KCNH5: variants seen among roughly 807,000 people sequenced by gnomAD.
The protein encoded by KCNH5 is voltage-gated delayed rectifier potassium channel KCNH5.
Under a neutral mutation model 96.1 loss-of-function variants are expected in KCNH5, and 46 were observed. The ratio of observed to expected loss-of-function variants is 0.48; its 90% CI spans 0.38 to 0.61. KCNH5 has a LOEUF of 0.61. KCNH5 is among the 20% of genes least tolerant of loss of function. KCNH5 has a pLI of 0.00. For synonymous variants in KCNH5, 439 were observed against 449.8 expected, an observed-to-expected ratio of 0.98 and a Z score of 0.30; for missense variants, 907 against 1,225.8, an observed-to-expected ratio of 0.74 and a Z score of 3.88.
chr14:62,931,468 T>C (rs1479001398), intron 7 of KCNH5, among the ~76,000 whole-genome samples: 2 of 151,986 alleles, frequency 1.3e-5, no homozygotes, highest in Non-Finnish European at 1.5e-5. Flanking sequence ...AAAATAACAG[T>C]AAATGGATTG....
chr14:62,747,747 G>C (rs1885409351), intron 10 of KCNH5, among the ~76,000 whole-genome samples: 1 of 152,120 alleles, frequency 6.6e-6, no homozygotes, highest in Non-Finnish European at 1.5e-5. Flanking sequence ...ACCCCTACCT[G>C]TTCACTTAAG....
In KCNH5 at chr14:62,708,409, C is replaced by T. The variant is rs533454331; in HGVS notation, c.2066G>A (p.Arg689His). The change falls in exon 11 of 11, where the codon CGC becomes CAC. Residue 689 changes from arginine to histidine, a missense_variant. Arg to His is a conservative substitution (Grantham distance 29). Around this residue, in one of 6 missense-constraint regions of KCNH5, gnomAD observed 362 missense variants for 394.4 expected, o/e 0.92. Transcript: ENST00000322893. ...GGTCACCTCATTCTTCTGCCGGAGG[C>T]GCTCCTCCTCCTCTTTCTTCACATC... is the stretch of plus-strand genomic sequence containing the variant. ...ISDVKKEEEE[R>H]LRQKNEVTLS... The T allele has an allele frequency of 8.7e-6, 14 of 1,609,304 alleles. No individual in the cohort carries two copies. Among genetic ancestry groups the T allele is most frequent in the East Asian group, 4.5e-5 (2 of 44,826 alleles).
Position 62,865,687 on chromosome 14 carries a change from T to C in KCNH5, c.1370-15835A>G, listed in dbSNP as rs898329977. ...TGACTGGTTCCTTTCTAATTCTTTT[T>C]TTCAAATCCCTTCAGTTGTGTACTT... On this transcript the variant is annotated intron_variant, in intron 7 of 10. Transcript: ENST00000322893. Among the ~76,000 whole-genome samples, 11 of 152,354 alleles carry C rather than the reference T, an allele frequency of 7.2e-5. No individual in the cohort carries two copies. In the South Asian group the frequency reaches 1.4e-3, roughly 20 times the overall value.
intron 10 of KCNH5, among the ~76,000 whole-genome samples, chr14:62,727,313 C>T (rs1197625134): frequency 2.0e-5 from 3 of 151,798 alleles, no homozygotes; most frequent in Non-Finnish European, 4.4e-5. Flanking sequence ...GACAGTGAGC[C>T]GAGATCACGC....
At chr14:62,842,707 C>T (rs560377457) in intron 8 of KCNH5, among the ~76,000 whole-genome samples, 2 of 152,294 alleles carry the variant, frequency 1.3e-5, no homozygotes, top group Admixed American at 6.5e-5. Context: ...CTCTATTAGA[C>T]ATTCTGAATC....
chr14:62,917,931 G>A (rs1022531701), intron 7 of KCNH5, among the ~76,000 whole-genome samples: 1 of 152,156 alleles, frequency 6.6e-6, no homozygotes, highest in African/African-American at 2.4e-5. Context: ...TATCAAAAGA[G>A]GGAAATGCTG....
chr14:63,001,288 C>T (rs1234825048), intron 4 of KCNH5, 43 bp downstream of exon 4: 1 of 1,538,396 alleles, frequency 6.5e-7, no homozygotes. Context: ...GATCTTTTAG[C>T]AACAGCCTAA....
intron 8 of KCNH5, among the ~76,000 whole-genome samples, chr14:62,839,004 AT>A (rs33941924): frequency 0.11 from 16,376 of 152,174 alleles, 1,103 homozygotes; most frequent in East Asian, 0.29. Flanking sequence ...AAACAAAAAA[AT>A]GTACATAACC....
chr14:62,736,553 G>A (rs772676850), intron 10 of KCNH5, among the ~76,000 whole-genome samples: 2 of 151,936 alleles, frequency 1.3e-5, no homozygotes, highest in Non-Finnish European at 2.9e-5. Flanking sequence ...CTCCAGCCAG[G>A]AAGATGCCAG....
At chr14:62,769,044 G>C (rs899626856) in intron 10 of KCNH5, among the ~76,000 whole-genome samples, 2 of 152,218 alleles carry the variant, frequency 1.3e-5, no homozygotes, top group Non-Finnish European at 2.9e-5. Context: ...ATTGTTGAAG[G>C]TCTGCCTCTT....
chr14:62,973,842 T>C (rs184591435), intron 6 of KCNH5, among the ~76,000 whole-genome samples: 1 of 152,286 alleles, frequency 6.6e-6, no homozygotes, highest in East Asian at 1.9e-4. Flanking sequence ...AATAACAATT[T>C]CTAACATGTT....
intron 8 of KCNH5, among the ~76,000 whole-genome samples, chr14:62,834,038 A>G (rs748811739): frequency 2.0e-5 from 3 of 152,020 alleles, no homozygotes; most frequent in Non-Finnish European, 4.4e-5. Flanking sequence ...TCCAAATGGA[A>G]CTTTTTTACG....
intron 8 of KCNH5, among the ~76,000 whole-genome samples, chr14:62,831,704 C>A (rs1887353342): frequency 6.6e-6 from 1 of 151,954 alleles, no homozygotes; most frequent in Non-Finnish European, 1.5e-5. Flanking sequence ...TTTTGATGAA[C>A]ATAAATTATT....
chr14:62,748,072 G>A (rs74058984), intron 10 of KCNH5, among the ~76,000 whole-genome samples: 2,084 of 152,304 alleles, frequency 0.014, 36 homozygotes, highest in African/African-American at 0.048. Flanking sequence ...GACCCCAAGA[G>A]AGGGTTCTTT....
At chr14:62,940,665 C>T (rs924971225) in intron 7 of KCNH5, among the ~76,000 whole-genome samples, 1 of 152,152 alleles carries the variant, frequency 6.6e-6, no homozygotes, top group Non-Finnish European at 1.5e-5. Context: ...TACATTTTTG[C>T]ATATACTATG....
chr14:62,943,897 G>T (rs955669764), intron 7 of KCNH5, among the ~76,000 whole-genome samples: 4 of 152,170 alleles, frequency 2.6e-5, no homozygotes, highest in African/African-American at 9.6e-5. Context: ...ATCTGAACAG[G>T]AAGATTTCCC....
At chr14:62,773,105 G>A (rs367768909) in intron 10 of KCNH5, among the ~76,000 whole-genome samples, 4 of 152,080 alleles carry the variant, frequency 2.6e-5, no homozygotes, top group East Asian at 1.9e-4. Context: ...AATCTTCTTC[G>A]AAATGCTTTT....
At chr14:62,820,297 T>C (rs933026308) in intron 8 of KCNH5, among the ~76,000 whole-genome samples, 3 of 152,130 alleles carry the variant, frequency 2.0e-5, no homozygotes, top group African/African-American at 7.2e-5. Context: ...TGTGGTTAAT[T>C]CAGCTTTTCT....
At chr14:62,849,202 A>C (rs2140045027) in intron 8 of KCNH5, among the ~76,000 whole-genome samples, 1 of 152,280 alleles carries the variant, frequency 6.6e-6, no homozygotes, top group East Asian at 1.9e-4. Flanking sequence ...AGACAGGAGA[A>C]ATTTAGGTGG....
Sources: allele counts gnomAD v4.1 joint callset (sites outside exome capture counted in the v4.1 genomes callset), GRCh38; gene constraint gnomAD v4.1.1; regional missense constraint gnomAD v4.1.1; transcripts MANE v1.5; gene names NCBI Gene and HGNC (gene_info 2026-07-23, HGNC 2026-07-21).